SLIT2: variants seen among roughly 807,000 people sequenced by gnomAD.
SLIT2 encodes the protein slit guidance ligand 2, also known as slit homolog 2 protein.
SLIT2 carries 41 observed loss-of-function variants against 185.7 expected under a neutral mutation model. The observed-to-expected ratio is 0.22, with a 90% CI of 0.17 to 0.29. The LOEUF (loss-of-function observed/expected upper bound fraction) is 0.29. Among genes scored for constraint, SLIT2 ranks in the 10% least tolerant of loss-of-function variants. The pLI is 1.00. For synonymous variants in SLIT2, 693 were observed against 680.2 expected (o/e 1.02, Z -0.29); for missense variants, 1,571 against 1,909.0 (o/e 0.82, Z 3.30).
At chr4:20,617,885 G>A (rs755847639) in intron 36 of SLIT2, among the ~76,000 whole-genome samples, 55 of 152,086 alleles carry the variant, frequency 3.6e-4, no homozygotes, top group Non-Finnish European at 2.1e-4. Flanking sequence ...AACCTCCACC[G>A]CAAGATTGTA....
At chr4:20,328,240 A>ATTAT (rs1719758858) in intron 4 of SLIT2, among the ~76,000 whole-genome samples, 1 of 152,128 alleles carries the variant, frequency 6.6e-6, no homozygotes, top group Admixed American at 6.6e-5. Context: ...TAGATAAGAA[A>ATTAT]TTATTCAAAC....
intron 18 of SLIT2, among the ~76,000 whole-genome samples, chr4:20,534,294 G>T (rs905591161): frequency 6.6e-6 from 1 of 152,158 alleles, no homozygotes; most frequent in Non-Finnish European, 1.5e-5. Flanking sequence ...AGACAGGCTG[G>T]TGATACATCT....
At chr4:20,432,522 C>CT (rs59431145) in intron 4 of SLIT2, among the ~76,000 whole-genome samples, 2,507 of 141,912 alleles carry the variant, frequency 0.018, 48 homozygotes, top group African/African-American at 0.047. Context: ...GACTGTCTGC[C>CT]TTTTTTTTTT....
At chr4:20,436,217 C>A (rs1027797106) in intron 4 of SLIT2, among the ~76,000 whole-genome samples, 23 of 152,220 alleles carry the variant, frequency 1.5e-4, no homozygotes, top group Non-Finnish European at 3.1e-4. Context: ...AGATTACTCT[C>A]CTTGCACAAA....
intron 24 of SLIT2, 64 bp downstream of exon 24, chr4:20,549,192 T>G: frequency 1.1e-6 from 1 of 931,510 alleles, no homozygotes; most frequent in Non-Finnish European, 1.7e-6. Flanking sequence ...GGTTGTCTTT[T>G]TAAGGATGTA....
intron 11 of SLIT2, among the ~76,000 whole-genome samples, chr4:20,512,314 C>G (rs915630471): frequency 6.6e-6 from 1 of 152,080 alleles, no homozygotes; most frequent in Non-Finnish European, 1.5e-5. Context: ...AGAACTAGAT[C>G]GGAGTGCTCA....
chr4:20,548,734 C>T (rs758356839), intron 23 of SLIT2, among the ~76,000 whole-genome samples, 175 bp downstream of exon 23: 12 of 151,874 alleles, frequency 7.9e-5, no homozygotes, highest in Non-Finnish European at 1.6e-4. Context: ...AAAAGTATTG[C>T]GTTCTATTAA....
chr4:20,348,774 T>A (rs1156863947), intron 4 of SLIT2, among the ~76,000 whole-genome samples: 1 of 152,186 alleles, frequency 6.6e-6, no homozygotes, highest in East Asian at 1.9e-4. Flanking sequence ...TTGGTTTCAT[T>A]CTGATTTCAC....
chr4:20,361,114 G>A (rs1722705676), intron 4 of SLIT2, among the ~76,000 whole-genome samples: 1 of 151,246 alleles, frequency 6.6e-6, no homozygotes, highest in South Asian at 2.1e-4. Flanking sequence ...AAAAACCTTA[G>A]TAGAATTTTT....
chr4:20,322,155 T>C (rs1331681263), intron 4 of SLIT2, among the ~76,000 whole-genome samples: 1 of 152,158 alleles, frequency 6.6e-6, no homozygotes. Context: ...CCATTTCATA[T>C]GTGAACCTCC....
intron 4 of SLIT2, among the ~76,000 whole-genome samples, chr4:20,457,284 T>G (rs570754694): frequency 6.6e-6 from 1 of 152,110 alleles, no homozygotes; most frequent in African/African-American, 2.4e-5. Context: ...TCCAGTATGC[T>G]ATCAGTTGAG....
At chr4:20,260,887 CCTT>C (rs1230625554) in intron 3 of SLIT2, among the ~76,000 whole-genome samples, 3 of 151,726 alleles carry the variant, frequency 2.0e-5, no homozygotes, top group South Asian at 2.1e-4. Context: ...TCCCTCACCT[CCTT>C]CTTTTTTTCT....
rs377063838 is a variant in SLIT2 at position 20,535,074 on chromosome 4, G to T, written c.1832+1359G>T. Among the ~76,000 whole-genome samples the T allele has an allele frequency of 5.9e-5, 9 of 152,192 alleles. No homozygotes were observed. In the East Asian group the frequency reaches 9.8e-4, roughly 17 times the overall value. On this transcript the variant is annotated intron_variant, in intron 18 of 36. Transcript: ENST00000504154. ...CCAGCACTTTGGGAGGCCAAGGTGG[G>T]CAGATCACGAGGTCAGGAGTTCAAG... is the stretch of plus-strand genomic sequence containing the variant.
chr4:20,393,591 T>C (rs1725622206), intron 4 of SLIT2: 1 of 152,042 alleles, frequency 6.6e-6, no homozygotes, highest in Admixed American at 6.6e-5. Context: ...TGTTCTGAGG[T>C]TCACCCGACT....
intron 4 of SLIT2, among the ~76,000 whole-genome samples, chr4:20,353,099 T>G (rs531616542): frequency 5.9e-5 from 9 of 152,278 alleles, no homozygotes; most frequent in Admixed American, 2.6e-4. Context: ...TGTTCTAGAT[T>G]AGAGCCTGGT....
At chr4:20,261,136 C>G (rs1410992789) in intron 3 of SLIT2, among the ~76,000 whole-genome samples, 1 of 151,800 alleles carries the variant, frequency 6.6e-6, no homozygotes, top group Non-Finnish European at 1.5e-5. Flanking sequence ...CTAGGATGCT[C>G]TGTATTGCTA....
intron 29 of SLIT2, among the ~76,000 whole-genome samples, chr4:20,575,088 T>G (rs953559146): frequency 6.6e-6 from 1 of 152,166 alleles, no homozygotes. Context: ...AAGGTCTGAG[T>G]CTATCTCAGA....
chr4:20,380,640 CTG>C (rs1724430282), intron 4 of SLIT2, among the ~76,000 whole-genome samples: 1 of 151,898 alleles, frequency 6.6e-6, no homozygotes, highest in African/African-American at 2.4e-5. Flanking sequence ...TAAAAATACA[CTG>C]TATGTGAGCA....
At chr4:20,441,949 A>G (rs1357011441) in intron 4 of SLIT2, among the ~76,000 whole-genome samples, 4 of 152,226 alleles carry the variant, frequency 2.6e-5, no homozygotes, top group African/African-American at 7.2e-5. Flanking sequence ...ATTTTTTTAA[A>G]GTAATTTTAA....
Sources: gnomAD v4.1 joint callset for allele counts (sites outside exome capture counted in the v4.1 genomes callset) on GRCh38, gnomAD v4.1.1 for gene constraint, MANE v1.5 for transcripts, NCBI Gene and HGNC (gene_info 2026-07-23, HGNC 2026-07-21) for gene names.